FGD5: variants seen among roughly 807,000 people sequenced by gnomAD.
FGD5 encodes the protein FYVE, RhoGEF and PH domain-containing protein 5.
A neutral mutation model predicts 133.4 loss-of-function variants in FGD5; 28 were observed. The ratio of observed to expected loss-of-function variants is 0.21; its 90% confidence interval spans 0.16 to 0.29. The LOEUF is 0.29. Ranked by LOEUF, FGD5 falls within the 10% of genes least tolerant of loss-of-function variation. The probability of loss-of-function intolerance (pLI) is 1.00; values close to 1 mark genes in which losing one functional copy is unlikely to be tolerated. For synonymous variants in FGD5, 810 were observed against 776.5 expected (o/e 1.04, Z -0.72); for missense variants, 1,858 against 1,895.2 (o/e 0.98, Z 0.36).
chr3:14,909,757 T>G (rs190432646), intron 10 of FGD5, among the ~76,000 whole-genome samples: 29 of 146,526 alleles, frequency 2.0e-4, no homozygotes, highest in Admixed American at 5.0e-4. Context: ...TTTTCTTTTC[T>G]TTTCTTTTTT....
At chr3:14,826,406 G>A (rs146076262) in intron 1 of FGD5, among the ~76,000 whole-genome samples, 305 of 152,196 alleles carry the variant, frequency 2.0e-3, no homozygotes, top group African/African-American at 6.8e-3. Context: ...TGAGGACACC[G>A]TGGCCCGAGG....
intron 1 of FGD5, among the ~76,000 whole-genome samples, chr3:14,839,409 C>T (rs1371659805): frequency 2.0e-5 from 3 of 152,134 alleles, no homozygotes; most frequent in East Asian, 1.9e-4. Flanking sequence ...GGGGGTGTCC[C>T]AGAAGGTTTG....
Position 14,923,153 on chromosome 3 carries a change from G to A in FGD5, c.3915G>A (p.Arg1305=), listed in dbSNP as rs1367111519. The change falls in exon 16 of 20, where the codon AGG becomes AGA. Residue 1305 remains arginine (R), a synonymous_variant. Coordinates refer to ENST00000285046, the MANE Select transcript of FGD5 (RefSeq NM_152536.4). ...GCFGELKKRG[R]AVPGLMRERP... ...TCGGGGAGCTGAAGAAGCGGGGCAGGGCTGTCCCGGGCCTGATGAGAGGTA... is the reference window on the plus strand; with the variant it reads ...TCGGGGAGCTGAAGAAGCGGGGCAGAGCTGTCCCGGGCCTGATGAGAGGTA... 1.2e-6 allele frequency: 2 copies of A among 1,613,548 alleles called. No individual in the cohort carries two copies. Among genetic ancestry groups the A allele is most frequent in the Non-Finnish European group, 1.7e-6 (2 of 1,179,784 alleles).
chr3:14,814,381 A>T (rs1352761096), upstream of FGD5, among the ~76,000 whole-genome samples: 1 of 152,092 alleles, frequency 6.6e-6, no homozygotes, highest in African/African-American at 2.4e-5. Flanking sequence ...TTCAACTTGC[A>T]CTCAGTGCTC....
chr3:14,814,489 G>A (rs2036339965), upstream of FGD5, among the ~76,000 whole-genome samples: 1 of 152,148 alleles, frequency 6.6e-6, no homozygotes, highest in African/African-American at 2.4e-5. Flanking sequence ...TGTGATGCGG[G>A]TGAGTAGGAG....
chr3:14,899,394 C>G (rs2038195405), intron 7 of FGD5, among the ~76,000 whole-genome samples: 1 of 152,150 alleles, frequency 6.6e-6, no homozygotes, highest in Non-Finnish European at 1.5e-5. Flanking sequence ...TTTCCCCTAT[C>G]TCTGCCTGCT....
In FGD5 at chr3:14,917,684, T is replaced by C. The variant is rs140031848; in HGVS notation, c.3489+352T>C. ...TTTTAATTGTGATAAAATACACATA[T>C]CATTTTAAAAGTAACCATTTTTAAA... On this transcript the variant is annotated intron_variant, in intron 12 of 19. Coordinates refer to ENST00000285046, the MANE Select transcript of FGD5 (RefSeq NM_152536.4). This position sits in a 1 kb window ranked among gnomAD's most constrained non-coding sequence, Gnocchi z 4.1. 1.1e-3 allele frequency among the ~76,000 whole-genome samples: 175 copies of C among 152,294 alleles called. No homozygotes were observed. The highest frequency in any genetic ancestry group is 4.0e-3 in the African/African-American group (167 of 41,550).
chr3:14,883,052 T>C (rs2037856831), intron 4 of FGD5, among the ~76,000 whole-genome samples: 2 of 152,098 alleles, frequency 1.3e-5, no homozygotes, highest in Non-Finnish European at 2.9e-5. Flanking sequence ...GTGCTATTGT[T>C]GTTGGGGGCG....
intron 1 of FGD5, among the ~76,000 whole-genome samples, chr3:14,824,982 C>T (rs1212607292): frequency 2.0e-5 from 3 of 152,108 alleles, no homozygotes; most frequent in African/African-American, 7.2e-5. Context: ...CTGGCAAAAC[C>T]AGAAGAATCC....
At chr3:14,852,053 A>G (rs1363756721) in intron 1 of FGD5, among the ~76,000 whole-genome samples, 5 of 152,250 alleles carry the variant, frequency 3.3e-5, no homozygotes, top group African/African-American at 4.8e-5. Flanking sequence ...TTCTCAAAAC[A>G]TTAAATATAG....
At chr3:14,816,477 T>G (rs1046625152), upstream of FGD5, among the ~76,000 whole-genome samples, 2 of 152,216 alleles carry the variant, frequency 1.3e-5, no homozygotes, top group African/African-American at 4.8e-5. Context: ...CCTTTTGATA[T>G]GTAGCCTTTA....
intron 1 of FGD5, among the ~76,000 whole-genome samples, chr3:14,843,839 C>T (rs934025059): frequency 2.0e-5 from 3 of 151,524 alleles, no homozygotes; most frequent in African/African-American, 4.9e-5. Context: ...TACAGGTATG[C>T]ACCACCACCA....
intron 1 of FGD5, among the ~76,000 whole-genome samples, chr3:14,837,399 C>G (rs1009037937): frequency 6.6e-6 from 1 of 152,172 alleles, no homozygotes; most frequent in African/African-American, 2.4e-5. Context: ...TCTAATCCAC[C>G]ATTCCTTGGT....
chr3:14,887,892 A>G (rs1327859854), intron 4 of FGD5, among the ~76,000 whole-genome samples: 1 of 152,096 alleles, frequency 6.6e-6, no homozygotes, highest in Non-Finnish European at 1.5e-5. Flanking sequence ...TAGGCCCGGT[A>G]TGGTGGCTCA....
intron 4 of FGD5, among the ~76,000 whole-genome samples, chr3:14,893,752 C>CTTTTTTTTTTTTTTTTTTTTTTCT (rs138741627): frequency 1.1e-5 from 1 of 95,056 alleles, no homozygotes; most frequent in East Asian, 3.3e-4. Flanking sequence ...TTTCTTTTTT[C>CTTTTTTTTTTTTTTTTTTTTTTCT]TTTTTTTTTT....
chr3:14,929,465 G>A (rs776619095), intron 18 of FGD5, among the ~76,000 whole-genome samples: 2 of 152,192 alleles, frequency 1.3e-5, no homozygotes, highest in African/African-American at 4.8e-5. Flanking sequence ...CCCCAACAAC[G>A]TGTGTGAATT....
At chr3:14,812,235 G>A (rs2036306676) in intron 1 of FGD5, among the ~76,000 whole-genome samples, 1 of 152,156 alleles carries the variant, frequency 6.6e-6, no homozygotes, top group African/African-American at 2.4e-5. Context: ...TGGGGAGCAG[G>A]ATCGGGGGTG....
intron 2 of FGD5, 86 bp from the exon 3 acceptor site, chr3:14,880,486 C>A: frequency 1.5e-6 from 2 of 1,330,294 alleles, no homozygotes; most frequent in Non-Finnish European, 2.1e-6. Context: ...CTGCAAAATG[C>A]TTGGAACTTG....
intron 18 of FGD5, 100 bp downstream of exon 18, chr3:14,926,298 G>C (rs924749494): frequency 6.6e-7 from 1 of 1,511,736 alleles, no homozygotes; most frequent in Non-Finnish European, 9.0e-7. Context: ...GTGAGTCCTG[G>C]CTGCTGAGCC....
Sources: allele counts gnomAD v4.1 joint callset (sites outside exome capture counted in the v4.1 genomes callset), GRCh38; gene constraint gnomAD v4.1.1; non-coding constraint Gnocchi (gnomAD v3.1); transcripts MANE v1.5; gene names NCBI Gene and HGNC (gene_info 2026-07-23, HGNC 2026-07-21).